DHTKD1: variants seen among roughly 807,000 people sequenced by gnomAD.
DHTKD1 encodes 2-oxoadipate dehydrogenase complex component E1.
In DHTKD1, 78 loss-of-function variants were observed where a neutral mutation model predicts 101.8. That is an observed-to-expected ratio of 0.77 (90% confidence interval 0.64 to 0.93). The LOEUF (loss-of-function observed/expected upper bound fraction) is 0.93. DHTKD1 is among the 40% of genes least tolerant of loss of function. The pLI, the probability that DHTKD1 is intolerant of heterozygous loss-of-function variation, is 0.00. For synonymous variants in DHTKD1, 462 were observed against 450.3 expected, an observed-to-expected ratio of 1.03 and a Z score of -0.33; for missense variants, 1,223 against 1,161.7, an observed-to-expected ratio of 1.05 and a Z score of -0.77.
intron 10 of DHTKD1, among the ~76,000 whole-genome samples, chr10:12,105,537 C>T (rs561794924): frequency 6.6e-6 from 1 of 151,892 alleles, no homozygotes. Flanking sequence ...ATGTTGATCT[C>T]AAACTCCTGT....
chr10:12,080,224 CGGG>C (rs970969900), intron 1 of DHTKD1, among the ~76,000 whole-genome samples: 16 of 150,444 alleles, frequency 1.1e-4, no homozygotes, highest in Non-Finnish European at 2.2e-4. Context: ...GGCATGAACC[CGGG>C]AGGTGGAGCT....
chr10:12,106,583 A>T (rs1278062129), intron 11 of DHTKD1, among the ~76,000 whole-genome samples, 187 bp downstream of exon 11: 3 of 152,142 alleles, frequency 2.0e-5, no homozygotes, highest in Non-Finnish European at 4.4e-5. Context: ...TGTTACTGGG[A>T]CAAAAACCCA....
intron 12 of DHTKD1, among the ~76,000 whole-genome samples, chr10:12,108,729 GT>G (rs1372221347): frequency 6.6e-6 from 1 of 152,180 alleles, no homozygotes; most frequent in Non-Finnish European, 1.5e-5. Flanking sequence ...AGAATTTACT[GT>G]GAATACTCAT....
chr10:12,113,104 A>G (rs755377786), intron 13 of DHTKD1, 40 bp downstream of exon 13: 1 of 1,512,554 alleles, frequency 6.6e-7, no homozygotes, highest in Non-Finnish European at 8.9e-7. Flanking sequence ...TCCTTTTGTC[A>G]TTTTTTGCAC....
At chr10:12,098,261 A>G (rs1833104620) in intron 8 of DHTKD1, among the ~76,000 whole-genome samples, 1 of 152,196 alleles carries the variant, frequency 6.6e-6, no homozygotes, top group African/African-American at 2.4e-5. Context: ...CACTATAAGA[A>G]ATACAGAGAT....
At chr10:12,100,300 T>G (rs1588613392) in intron 9 of DHTKD1, 38 bp downstream of exon 9, 1 of 615,922 alleles carries the variant, frequency 1.6e-6, no homozygotes, top group Non-Finnish European at 2.4e-6. Context: ...TTTTTTTTTT[T>G]TGAGTCTCAC....
intron 1 of DHTKD1, among the ~76,000 whole-genome samples, chr10:12,079,297 G>A (rs1402347299): frequency 2.6e-5 from 4 of 152,136 alleles, no homozygotes; most frequent in Non-Finnish European, 4.4e-5. Context: ...AAGTGACTGA[G>A]GTTGAGTAGC....
intron 13 of DHTKD1, among the ~76,000 whole-genome samples, chr10:12,113,753 C>T (rs78839337): frequency 0.01 from 1,559 of 152,074 alleles, 26 homozygotes; most frequent in African/African-American, 0.036. Flanking sequence ...TTGCAAGACC[C>T]CATCTCTGAA....
chr10:12,097,815 A>G lies in DHTKD1; in HGVS notation c.1490A>G (p.His497Arg). The G allele has an allele frequency of 6.2e-7, 1 of 1,614,186 alleles. No individual in the cohort carries two copies. The highest frequency in any genetic ancestry group is 8.5e-7 in the Non-Finnish European group (1 of 1,180,028). The part of the protein sequence containing the change: ...KLNDHLNNMA[H>R]YRPPALNLQA... ...AATGATCACTTAAATAACATGGCCCACTACAGGCCCCCTGCCCTGAACCTG... is the reference window on the plus strand; with the variant it reads ...AATGATCACTTAAATAACATGGCCCGCTACAGGCCCCCTGCCCTGAACCTG... The change falls in exon 8 of 17, where the codon CAC (histidine) becomes CGC (arginine). Residue 497 changes from histidine to arginine, a missense_variant. Transcript: ENST00000263035.
intron 2 of DHTKD1, among the ~76,000 whole-genome samples, chr10:12,082,585 C>T (rs1449566074): frequency 6.6e-6 from 1 of 150,430 alleles, no homozygotes; most frequent in Non-Finnish European, 1.5e-5. Context: ...GTTACCTGGG[C>T]TTTGCAAGGT....
Position 12,097,826 on chromosome 10 carries a change from C to T in DHTKD1, c.1501C>T (p.Pro501Ser). The T allele has an allele frequency of 6.2e-7, 1 of 1,614,232 alleles. No individual in the cohort carries two copies. The highest frequency in any genetic ancestry group is 2.2e-5 in the East Asian group (1 of 44,888). Reference sequence around the variant, plus strand: ...AAATAACATGGCCCACTACAGGCCCCCTGCCCTGAACCTGCAGGCCCACTG... The same window carrying T: ...AAATAACATGGCCCACTACAGGCCCTCTGCCCTGAACCTGCAGGCCCACTG... ...HLNNMAHYRP[P>S]ALNLQAHWQG... Residue 501 changes from proline (P) to serine (S), a missense_variant, in exon 8 of 17, where the codon CCT (proline) becomes TCT (serine). Physicochemically the swap from Pro to Ser is moderately conservative, Grantham distance 74 (BLOSUM62 -1). Transcript: ENST00000263035.
At chr10:12,092,077 A>G (rs4439425) in intron 6 of DHTKD1, among the ~76,000 whole-genome samples, 112,702 of 150,890 alleles carry the variant, frequency 0.75, 42,515 homozygotes, top group South Asian at 0.88. Flanking sequence ...TCCGCCTTTC[A>G]GGTTCAAGTG....
intron 1 of DHTKD1, among the ~76,000 whole-genome samples, chr10:12,077,045 A>G (rs1832743840): frequency 6.7e-6 from 1 of 149,644 alleles, no homozygotes; most frequent in African/African-American, 2.4e-5. Flanking sequence ...TATCACTTAA[A>G]TTTTTGATCA....
At position 12,101,185 on chromosome 10, in the gene DHTKD1, A is replaced by G. The variant is rs1833164553; in HGVS notation, c.1896+4A>G. 6.2e-7 allele frequency: 1 copy of G among 1,611,032 alleles called. No homozygotes were observed. The highest frequency in any genetic ancestry group is 1.3e-5 in the African/African-American group (1 of 74,820). On this transcript the variant is annotated splice_donor_region_variant and intron_variant, in intron 10 of 16. Coordinates refer to ENST00000263035, the MANE Select transcript of DHTKD1 (RefSeq NM_018706.7). ...AAATCAGAAGGGGTTTCTAGAGGTG[A>G]GATGTTTCTATAGCTGTTGTAAAAT... is the stretch of plus-strand genomic sequence containing the variant.
Position 12,107,781 on chromosome 10 carries a change from G to T in DHTKD1, c.2048-128G>T. On this transcript the variant is annotated intron_variant, in intron 11 of 16. Transcript: ENST00000263035. The surrounding 1 kb of genome is among the most constrained non-coding windows in gnomAD (Gnocchi z 4.1). The stretch of plus-strand genomic sequence containing the variant: ...AAGTATAGCATAACAGTTCTAGAAG[G>T]TGCATGTAATGAAAGCAGTTTTGGG... 1.6e-6 allele frequency: 1 copy of T among 641,420 alleles called. No homozygotes were observed. Among genetic ancestry groups the T allele is most frequent in the Non-Finnish European group, 2.8e-6 (1 of 355,502 alleles). 39.7% of individuals were successfully genotyped at this position (641,420 alleles called of 1,614,324 possible).
chr10:12,081,301 G>C (rs1832812482), intron 1 of DHTKD1, among the ~76,000 whole-genome samples, 171 bp from the exon 2 acceptor site: 6 of 144,110 alleles, frequency 4.2e-5, no homozygotes, highest in Non-Finnish European at 9.0e-5. Context: ...AAAAAGTGAT[G>C]GTTCTACTGC....
In DHTKD1 at chr10:12,118,740, G is replaced by T; in HGVS notation, c.2403-9G>T. 6.6e-7 allele frequency: 1 copy of T among 1,504,644 alleles called. No individual in the cohort carries two copies. The highest frequency in any genetic ancestry group is 8.9e-7 in the Non-Finnish European group (1 of 1,124,956). The allele number at this position is 1,504,644 out of a possible 1,614,324, so 93.2% of individuals were successfully genotyped here. On this transcript the variant is annotated splice_polypyrimidine_tract_variant and intron_variant, in intron 14 of 16. Transcript: ENST00000263035. ...TCCCCCACCCTATTGTTCCTTTTCT[G>T]TCCAACAGGGTTAAGACCCTCGTGT...
At chr10:12,116,538 G>GCAC (rs1201056677) in intron 13 of DHTKD1, among the ~76,000 whole-genome samples, 2 of 151,740 alleles carry the variant, frequency 1.3e-5, no homozygotes, top group Non-Finnish European at 2.9e-5. Flanking sequence ...TTACAGGCAT[G>GCAC]CACCACCACG....
rs1564401029 is a variant in DHTKD1, at chr10:12,120,781, T to C, written c.2659-6T>C. The stretch of plus-strand genomic sequence containing the variant: ...TCATTTTATTTCTTCTCTGCTGCAC[T>C]TATAGCTCCGTCTGGTGGGCCGGCC... On this transcript the variant is annotated splice_polypyrimidine_tract_variant and splice_region_variant and intron_variant, in intron 16 of 16. Transcript: ENST00000263035. 1 of 1,613,518 alleles carries C rather than the reference T, an allele frequency of 6.2e-7. No individual in the cohort carries two copies. Among genetic ancestry groups the C allele is most frequent in the Non-Finnish European group, 8.5e-7 (1 of 1,179,470 alleles).
Sources: allele counts gnomAD v4.1 joint callset (sites outside exome capture counted in the v4.1 genomes callset), GRCh38; gene constraint gnomAD v4.1.1; non-coding constraint Gnocchi (gnomAD v3.1); transcripts MANE v1.5; gene names NCBI Gene and HGNC (gene_info 2026-07-23, HGNC 2026-07-21).